The following ZNF423 variants were observed in gnomAD, a reference collection of about 807,000 sequenced individuals.
ZNF423 encodes Ebf-associated zinc finger protein.
In ZNF423, 12 loss-of-function variants were observed where a neutral mutation model predicts 95.8. The observed-to-expected ratio is 0.13, with a 90% CI of 0.08 to 0.20. The LOEUF is 0.20. ZNF423 is among the 10% of genes least tolerant of loss of function. ZNF423 has a pLI of 1.00. For missense variants in ZNF423, 1,316 were observed against 1,737.1 expected, an observed-to-expected ratio of 0.76 and a Z score of 4.31; for synonymous variants, 749 against 711.9, an observed-to-expected ratio of 1.05 and a Z score of -0.83.
At chr16:49,772,476 G>A (rs139981373) in intron 2 of ZNF423, among the ~76,000 whole-genome samples, 4 of 152,324 alleles carry the variant, frequency 2.6e-5, no homozygotes, top group Admixed American at 6.5e-5. Context: ...CATCACACCT[G>A]CCCTGACACA....
intron 3 of ZNF423, chr16:49,708,038 T>C (rs573496658): frequency 6.5e-6 from 1 of 153,580 alleles, no homozygotes. Flanking sequence ...AGGACTGTGA[T>C]GTTACAGAAA....
chr16:49,669,678 C>T (rs78503695), intron 3 of ZNF423, among the ~76,000 whole-genome samples: 1 of 152,202 alleles, frequency 6.6e-6, no homozygotes, highest in Admixed American at 6.5e-5. Context: ...AGAAGAGAAC[C>T]ACATGAAAAA....
At chr16:49,692,980 C>T (rs67353527) in intron 3 of ZNF423, among the ~76,000 whole-genome samples, 50,668 of 152,160 alleles carry the variant, frequency 0.33, 8,860 homozygotes, top group South Asian at 0.47. Flanking sequence ...GAAAAGCAAT[C>T]GTAGAATGCC....
chr16:49,491,268 C>T lies in ZNF423; in HGVS notation c.*7G>A, dbSNP rs559197075. 9 of 1,614,034 alleles carry T rather than the reference C, an allele frequency of 5.6e-6. No individual in the cohort carries two copies. Among genetic ancestry groups the T allele is most frequent in the East Asian group, 2.2e-5 (1 of 44,878 alleles). On this transcript the variant is annotated 3_prime_UTR_variant, in exon 8 of 8. Transcript: ENST00000563137. ...TTCTGCGGAGAGGTGTCCTGTTGAG[C>T]GATCCCTCACTGTGCGTGCTGGCTC...
intron 5 of ZNF423, among the ~76,000 whole-genome samples, chr16:49,609,328 C>T (rs1169529756): frequency 6.6e-6 from 1 of 152,114 alleles, no homozygotes; most frequent in East Asian, 1.9e-4. Flanking sequence ...ATCATCTATC[C>T]TACCAAGAAA....
intron 2 of ZNF423, among the ~76,000 whole-genome samples, chr16:49,783,801 C>G: frequency 6.6e-6 from 1 of 151,786 alleles, no homozygotes; most frequent in East Asian, 1.9e-4. Context: ...GAAACCCCGT[C>G]TCTACTAAAA....
chr16:49,500,904 A>AG (rs2151659732), intron 7 of ZNF423, among the ~76,000 whole-genome samples: 1 of 152,244 alleles, frequency 6.6e-6, no homozygotes, highest in East Asian at 1.9e-4. Context: ...CTCATTTAAA[A>AG]AAAAAAAAGG....
At chr16:49,617,074 C>T (rs1971901149) in intron 5 of ZNF423, among the ~76,000 whole-genome samples, 1 of 152,298 alleles carries the variant, frequency 6.6e-6, no homozygotes, top group South Asian at 2.1e-4. Flanking sequence ...TTCAATAATA[C>T]CCTTCCTACT....
chr16:49,491,204 A>C lies in ZNF423; in HGVS notation c.*71T>G. ...GCAAATGACACTTTGATTGGATGTAATGTTCAAATGGCCCTCCCCACGGCG... is the reference window on the plus strand; with the variant it reads ...GCAAATGACACTTTGATTGGATGTACTGTTCAAATGGCCCTCCCCACGGCG... On this transcript the variant is annotated 3_prime_UTR_variant, in exon 8 of 8. Coordinates refer to ENST00000563137, the MANE Select transcript of ZNF423 (RefSeq NM_001379286.1). The C allele has an allele frequency of 1.3e-6, 2 of 1,588,404 alleles. No individual in the cohort carries two copies. Among genetic ancestry groups the C allele is most frequent in the Non-Finnish European group, 1.7e-6 (2 of 1,157,062 alleles).
At chr16:49,497,217 G>A (rs1305568692) in intron 7 of ZNF423, among the ~76,000 whole-genome samples, 2 of 125,500 alleles carry the variant, frequency 1.6e-5, no homozygotes, top group African/African-American at 3.5e-5. Context: ...CCATCCATCC[G>A]CCCATCTATT....
intron 7 of ZNF423, chr16:49,518,348 C>A: frequency 2.4e-6 from 1 of 419,226 alleles, no homozygotes; most frequent in Admixed American, 2.9e-5. Context: ...GACAATCTTT[C>A]CACAAAGAAT....
At chr16:49,844,404 T>A (rs1462070721) in intron 1 of ZNF423, among the ~76,000 whole-genome samples, 3 of 152,152 alleles carry the variant, frequency 2.0e-5, no homozygotes, top group Admixed American at 2.0e-4. Flanking sequence ...AAACAGCAGC[T>A]GCAATCTCAC....
intron 3 of ZNF423, among the ~76,000 whole-genome samples, chr16:49,696,124 C>T (rs2031960637): frequency 6.6e-6 from 1 of 152,180 alleles, no homozygotes. Flanking sequence ...ACTGTGAGAA[C>T]CCACAAAGGG....
chr16:49,735,693 T>C (rs1375789359), intron 2 of ZNF423, among the ~76,000 whole-genome samples: 1 of 152,100 alleles, frequency 6.6e-6, no homozygotes, highest in Admixed American at 6.5e-5. Context: ...GCAGCCATAA[T>C]ATATGAAGCC....
At chr16:49,680,815 G>A (rs942861758) in intron 3 of ZNF423, among the ~76,000 whole-genome samples, 1 of 152,216 alleles carries the variant, frequency 6.6e-6, no homozygotes, top group African/African-American at 2.4e-5. Context: ...GCCGAGCACA[G>A]CCTGCCAGGT....
intron 1 of ZNF423, among the ~76,000 whole-genome samples, chr16:49,833,224 G>A (rs904539649): frequency 6.6e-6 from 1 of 152,158 alleles, no homozygotes; most frequent in Non-Finnish European, 1.5e-5. Context: ...CCAGCCAGGG[G>A]AACACCACTC....
At position 49,576,833 on chromosome 16, in the gene ZNF423, A is replaced by T. The variant is rs546620661; in HGVS notation, c.3601+49337T>A. 2.6e-5 allele frequency among the ~76,000 whole-genome samples: 4 copies of T among 152,372 alleles called. No individual in the cohort carries two copies. In the South Asian group the frequency reaches 8.3e-4, roughly 32 times the overall value. Reference sequence around the variant, plus strand: ...ACTGTATGATAAGGAATAGATGCGCATATATTCTTTATTATATGTAGTCTT... The same window carrying T: ...ACTGTATGATAAGGAATAGATGCGCTTATATTCTTTATTATATGTAGTCTT... On this transcript the variant is annotated intron_variant, in intron 5 of 7. Coordinates refer to ENST00000563137, the MANE Select transcript of ZNF423 (RefSeq NM_001379286.1).
At chr16:49,585,612 A>G (rs1970807589) in intron 5 of ZNF423, among the ~76,000 whole-genome samples, 1 of 152,254 alleles carries the variant, frequency 6.6e-6, no homozygotes, top group African/African-American at 2.4e-5. Context: ...ATGTTATACC[A>G]CTATTCTGCC....
At chr16:49,527,738 A>C (rs1157430247) in intron 5 of ZNF423, among the ~76,000 whole-genome samples, 1 of 152,184 alleles carries the variant, frequency 6.6e-6, no homozygotes, top group Non-Finnish European at 1.5e-5. Flanking sequence ...GGAGAATTAG[A>C]CCATTTACTC....
Sources: allele counts gnomAD v4.1 joint callset (sites outside exome capture counted in the v4.1 genomes callset), GRCh38; gene constraint gnomAD v4.1.1; transcripts MANE v1.5; gene names NCBI Gene and HGNC (gene_info 2026-07-23, HGNC 2026-07-21).